The following HIRA variants were observed in gnomAD, a reference collection of about 807,000 sequenced individuals.
HIRA encodes the protein histone cell cycle regulator.
HIRA carries 13 observed loss-of-function variants against 126.6 expected under a neutral mutation model. The ratio of observed to expected loss-of-function variants is 0.10; its 90% CI spans 0.07 to 0.16. HIRA has a LOEUF of 0.16. Among genes scored for constraint, HIRA ranks in the 10% least tolerant of loss-of-function variants. HIRA has a pLI of 1.00. For missense variants in HIRA, 834 were observed against 1,314.4 expected (o/e 0.63, Z 5.65); for synonymous variants, 511 against 520.0 (o/e 0.98, Z 0.24).
chr22:19,345,117 T>TA (rs2088672152), intron 24 of HIRA, among the ~76,000 whole-genome samples: 1 of 152,180 alleles, frequency 6.6e-6, no homozygotes, highest in Admixed American at 6.5e-5. Context: ...AACGTAGTAT[T>TA]AAGAGTCCTA....
At chr22:19,365,242 C>G (rs9604957) in intron 15 of HIRA, among the ~76,000 whole-genome samples, 20,626 of 152,200 alleles carry the variant, frequency 0.14, 2,767 homozygotes, top group African/African-American at 0.34. Flanking sequence ...GGTATTAGAA[C>G]ATCTAGCTAA....
chr22:19,381,963 AT>A (rs1239660773), intron 13 of HIRA, among the ~76,000 whole-genome samples: 1 of 152,096 alleles, frequency 6.6e-6, no homozygotes, highest in Non-Finnish European at 1.5e-5. Flanking sequence ...ACTTTTAGTA[AT>A]TTTATTTTCT....
At chr22:19,411,762 G>GGCAATGT (rs1394837498) in intron 1 of HIRA, among the ~76,000 whole-genome samples, 1 of 152,212 alleles carries the variant, frequency 6.6e-6, no homozygotes. Context: ...CCCAAGAGGA[G>GGCAATGT]GCAATGTGGA....
intron 24 of HIRA, among the ~76,000 whole-genome samples, chr22:19,348,267 A>G (rs1458633060): frequency 6.6e-6 from 1 of 152,226 alleles, no homozygotes; most frequent in Non-Finnish European, 1.5e-5. Context: ...AATTTTTCAA[A>G]TACTATGTCC....
intron 24 of HIRA, among the ~76,000 whole-genome samples, chr22:19,345,657 C>T (rs1324553985): frequency 4.6e-5 from 7 of 152,190 alleles, no homozygotes; most frequent in African/African-American, 1.7e-4. Flanking sequence ...GTGAAGTTCA[C>T]AATAGGGTTT....
At chr22:19,384,780 T>G (rs1391311852) in intron 12 of HIRA, among the ~76,000 whole-genome samples, 1 of 151,304 alleles carries the variant, frequency 6.6e-6, no homozygotes, top group East Asian at 1.9e-4. Flanking sequence ...CAGCCTCCCA[T>G]GTAGCTGGGA....
At chr22:19,405,576 G>A in intron 5 of HIRA, 1 of 905,836 alleles carries the variant, frequency 1.1e-6, no homozygotes, top group Non-Finnish European at 1.3e-6. Context: ...GCAAGAGTGG[G>A]GAGACTGAAT....
At chr22:19,383,795 A>G (rs1371858826) in intron 12 of HIRA, 90 bp from the exon 13 acceptor site, 1 of 948,954 alleles carries the variant, frequency 1.1e-6, no homozygotes, top group Non-Finnish European at 1.7e-6. Flanking sequence ...TTTCCTGGTG[A>G]TAAGAACACT....
At chr22:19,347,066 C>T (rs1556009079) in intron 24 of HIRA, among the ~76,000 whole-genome samples, 1 of 152,206 alleles carries the variant, frequency 6.6e-6, no homozygotes, top group African/African-American at 2.4e-5. Context: ...GCATCTTGGG[C>T]TAAGGCTGAC....
intron 24 of HIRA, among the ~76,000 whole-genome samples, chr22:19,334,228 G>A (rs1878299043): frequency 6.6e-6 from 1 of 151,420 alleles, no homozygotes; most frequent in South Asian, 2.1e-4. Context: ...GCCCGCCTTG[G>A]CCTCCCAAAG....
intron 15 of HIRA, among the ~76,000 whole-genome samples, chr22:19,373,553 A>C (rs969388434): frequency 6.6e-6 from 1 of 152,204 alleles, no homozygotes; most frequent in Non-Finnish European, 1.5e-5. Context: ...CTGAACGTCA[A>C]TTAGACCAGG....
intron 1 of HIRA, among the ~76,000 whole-genome samples, chr22:19,426,958 C>T (rs777805455): frequency 3.3e-5 from 5 of 152,174 alleles, no homozygotes; most frequent in Admixed American, 6.5e-5. Context: ...AGCAGCAGGG[C>T]ACAGAGACTC....
At chr22:19,389,624 A>G (rs5748173) in intron 9 of HIRA, among the ~76,000 whole-genome samples, 5,793 of 152,194 alleles carry the variant, frequency 0.038, 244 homozygotes, top group South Asian at 0.17. Flanking sequence ...TTCTAGAAAA[A>G]GCTGCCTTGT....
intron 13 of HIRA, among the ~76,000 whole-genome samples, chr22:19,379,898 T>A (rs1046077259): frequency 1.3e-5 from 2 of 152,026 alleles, no homozygotes; most frequent in Non-Finnish European, 2.9e-5. Context: ...AACCTCTGCC[T>A]CCTGGGTTCA....
intron 1 of HIRA, among the ~76,000 whole-genome samples, chr22:19,411,187 G>C (rs1325564000): frequency 1.3e-5 from 2 of 152,244 alleles, no homozygotes; most frequent in African/African-American, 4.8e-5. Context: ...TGCAACCAAG[G>C]AGCATTGCTT....
intron 5 of HIRA, among the ~76,000 whole-genome samples, chr22:19,401,954 C>T (rs184179975): frequency 2.0e-5 from 3 of 152,270 alleles, no homozygotes; most frequent in Admixed American, 2.0e-4. Flanking sequence ...AGGCACACTG[C>T]CTCCCGCACC....
chr22:19,381,543 AT>A (rs984132746), intron 13 of HIRA, among the ~76,000 whole-genome samples: 10 of 151,832 alleles, frequency 6.6e-5, no homozygotes, highest in African/African-American at 1.9e-4. Context: ...AGATCATATA[AT>A]TTTTTTTCTT....
chr22:19,406,295 G>A (rs1399051787), intron 4 of HIRA, among the ~76,000 whole-genome samples: 1 of 152,104 alleles, frequency 6.6e-6, no homozygotes, highest in Admixed American at 6.5e-5. Context: ...TTTTTCTTTT[G>A]TATTTTTAGT....
chr22:19,422,171 T>TATACACAC (rs1556028840), intron 1 of HIRA, among the ~76,000 whole-genome samples: 77 of 143,194 alleles, frequency 5.4e-4, no homozygotes, highest in Non-Finnish European at 1.0e-3. Flanking sequence ...TGTTTATATA[T>TATACACAC]ACACACACAC....
Sources: allele counts gnomAD v4.1 joint callset (sites outside exome capture counted in the v4.1 genomes callset), GRCh38; gene constraint gnomAD v4.1.1; transcripts MANE v1.5; gene names NCBI Gene and HGNC (gene_info 2026-07-23, HGNC 2026-07-21).